Variants in RNF11 observed in about 807,000 individuals in gnomAD.
RNF11 encodes ring finger protein 11.
A neutral mutation model predicts 15.8 loss-of-function variants in RNF11; 4 were observed. The ratio of observed to expected loss-of-function variants is 0.25; its 90% CI spans 0.12 to 0.58. The LOEUF is 0.58. Ranked by LOEUF, RNF11 falls within the 20% of genes least tolerant of loss-of-function variation. The probability of loss-of-function intolerance (pLI) is 0.91; values close to 1 mark genes in which losing one functional copy is unlikely to be tolerated. For synonymous variants in RNF11, 68 were observed against 72.3 expected (o/e 0.94, Z 0.30); for missense variants, 139 against 194.4 (o/e 0.71, Z 1.70).
rs529649654 is a variant in RNF11, at chr1:51,254,566, T to C, written c.124-15390T>C. Among the ~76,000 whole-genome samples, 17 of 152,102 alleles carry C rather than the reference T, an allele frequency of 1.1e-4. No homozygotes were observed. The South Asian group carries it at 2.3e-3, about 20-fold the overall frequency. On this transcript the variant is annotated intron_variant, in intron 1 of 2. Coordinates refer to ENST00000242719, the MANE Select transcript of RNF11 (RefSeq NM_014372.5). ...GCTCCATCCCCTGGGTTCAAACGAT[T>C]CTCCTGTCTCAGCCGCCTCCCAAGT...
intron 1 of RNF11, among the ~76,000 whole-genome samples, chr1:51,241,273 A>G (rs746594919): frequency 2.0e-4 from 31 of 152,122 alleles, no homozygotes; most frequent in South Asian, 1.0e-3. Flanking sequence ...AAAAAAATTT[A>G]TTTCCTTTAG....
intron 1 of RNF11, among the ~76,000 whole-genome samples, chr1:51,242,384 A>G (rs1646833656): frequency 7.5e-6 from 1 of 133,606 alleles, no homozygotes. Context: ...CCCAGCACTT[A>G]GGTGGCAGAG....
In RNF11 at chr1:51,270,003, G is replaced by T; in HGVS notation, c.171G>T (p.Arg57=). 1 of 1,613,638 alleles carries T rather than the reference G, an allele frequency of 6.2e-7. No individual in the cohort carries two copies. Among genetic ancestry groups the T allele is most frequent in the Non-Finnish European group, 8.5e-7 (1 of 1,179,852 alleles). ...ACCACCCAACACCTAGCCAGACTCG[G>T]CTAGCAACTCAGCTGACTGAAGAGG... is the stretch of plus-strand genomic sequence containing the variant. The part of the protein sequence containing the change: ...PVYHPTPSQT[R]LATQLTEEEQ... Residue 57 remains arginine, a synonymous_variant, in exon 2 of 3, where the codon CGG becomes CGT. Coordinates refer to ENST00000242719, the MANE Select transcript of RNF11 (RefSeq NM_014372.5).
Position 51,271,331 on chromosome 1 carries a change from C to T in RNF11, c.*9C>T, listed in dbSNP as rs1646977657. 1 of 1,602,412 alleles carries T rather than the reference C, an allele frequency of 6.2e-7. No homozygotes were observed. Among genetic ancestry groups the T allele is most frequent in the Admixed American group, 1.7e-5 (1 of 59,544 alleles). ...CCTATGAGACTAATTGAGCCAGGGT[C>T]TCTTATCTGACTTCAAGTGAACCAC... On this transcript the variant is annotated 3_prime_UTR_variant, in exon 3 of 3. Coordinates refer to ENST00000242719, the MANE Select transcript of RNF11 (RefSeq NM_014372.5).
chr1:51,256,553 T>C (rs1040125214), intron 1 of RNF11, among the ~76,000 whole-genome samples: 3 of 152,234 alleles, frequency 2.0e-5, no homozygotes, highest in Non-Finnish European at 4.4e-5. Context: ...TTGGATGTAT[T>C]TTTCAACTCC....
At chr1:51,243,431 G>GTTATTA (rs748099098) in intron 1 of RNF11, among the ~76,000 whole-genome samples, 3 of 151,602 alleles carry the variant, frequency 2.0e-5, no homozygotes, top group Non-Finnish European at 4.4e-5. Flanking sequence ...CTTAATGATT[G>GTTATTA]TTATTATTAT....
chr1:51,260,262 C>T (rs1646924688), intron 1 of RNF11, among the ~76,000 whole-genome samples: 1 of 152,122 alleles, frequency 6.6e-6, no homozygotes, highest in East Asian at 1.9e-4. Context: ...TATGTGTGTT[C>T]TTTTAACCTG....
At chr1:51,267,422 AT>A (rs1216541013) in intron 1 of RNF11, among the ~76,000 whole-genome samples, 2 of 152,212 alleles carry the variant, frequency 1.3e-5, no homozygotes, top group African/African-American at 2.4e-5. Context: ...CACATCTATG[AT>A]TTGTTACAGC....
rs1646977786 is a variant in RNF11, at chr1:51,271,354, C to T, written c.*32C>T. 6.4e-7 allele frequency: 1 copy of T among 1,568,810 alleles called. No individual in the cohort carries two copies. The highest frequency in any genetic ancestry group is 8.7e-7 in the Non-Finnish European group (1 of 1,148,428). On this transcript the variant is annotated 3_prime_UTR_variant, in exon 3 of 3. Coordinates refer to ENST00000242719, the MANE Select transcript of RNF11 (RefSeq NM_014372.5). ...GTCTCTTATCTGACTTCAAGTGAAC[C>T]ACCATTTTGGTGGTTTTGATCTTTT... is the stretch of plus-strand genomic sequence containing the variant.
chr1:51,251,504 G>A, intron 1 of RNF11: 1 of 592,444 alleles, frequency 1.7e-6, no homozygotes. Context: ...AAGGATTTGT[G>A]ACAATTTGAA....
At chr1:51,238,229 T>G (rs556239332) in intron 1 of RNF11, among the ~76,000 whole-genome samples, 2 of 152,332 alleles carry the variant, frequency 1.3e-5, no homozygotes, top group African/African-American at 4.8e-5. Context: ...GTCCCAGCAT[T>G]CCCTTCCTTC....
rs200612144 is a variant in RNF11, at chr1:51,251,070, A to G, written c.123+14191A>G. The G allele has an allele frequency of 7.3e-5, 113 of 1,547,690 alleles. No individual in the cohort carries two copies. The East Asian group carries it at 2.2e-3, about 31-fold the overall frequency. On this transcript the variant is annotated intron_variant, in intron 1 of 2. Transcript: ENST00000242719. ...CTTGGAGCACTTAACACCCAGACCG[A>G]CGTGGCCATTGTAGTCCCCGATAGC... is the stretch of plus-strand genomic sequence containing the variant.
intron 1 of RNF11, among the ~76,000 whole-genome samples, chr1:51,257,758 T>A (rs1646910914): frequency 6.7e-6 from 1 of 150,298 alleles, no homozygotes; most frequent in African/African-American, 2.4e-5. Flanking sequence ...GTGCCCAGCC[T>A]TGACTTTTTA....
intron 1 of RNF11, among the ~76,000 whole-genome samples, chr1:51,253,554 C>A (rs4926886): frequency 6.6e-6 from 1 of 151,218 alleles, no homozygotes. Flanking sequence ...GTGGGGGAAA[C>A]GAAATAAAGA....
At chr1:51,264,228 C>T (rs1405968916) in intron 1 of RNF11, among the ~76,000 whole-genome samples, 1 of 126,276 alleles carries the variant, frequency 7.9e-6, no homozygotes, top group Non-Finnish European at 1.6e-5. Context: ...CCACTGCACT[C>T]TAGCCTAGGT....
At position 51,271,531 on chromosome 1, in the gene RNF11, CT is replaced by C; in HGVS notation, c.*211del. 2 of 479,460 alleles carry C rather than the reference CT, an allele frequency of 4.2e-6. No individual in the cohort carries two copies. The highest frequency in any genetic ancestry group is 7.5e-6 in the Non-Finnish European group (2 of 267,712). 29.7% of individuals were successfully genotyped at this position (479,460 alleles called of 1,614,324 possible). A position where few individuals can be genotyped will look rare whatever the true frequency, so the allele number is the denominator to read the frequency against. On this transcript the variant is annotated 3_prime_UTR_variant, in exon 3 of 3. Transcript: ENST00000242719. ...GTAGGATGGTATTTTTATGTAAAGCCTTGACCCAATGTTTAAAAATATAATT... is the reference window on the plus strand; with the variant it reads ...GTAGGATGGTATTTTTATGTAAAGCCTGACCCAATGTTTAAAAATATAATT...
chr1:51,252,615 C>T (rs1557679565), intron 1 of RNF11, among the ~76,000 whole-genome samples: 1 of 151,304 alleles, frequency 6.6e-6, no homozygotes, highest in African/African-American at 2.4e-5. Flanking sequence ...AACCCTGTCT[C>T]AAAAAAAAGA....
At position 51,236,900 on chromosome 1, in the gene RNF11, G is replaced by A. The variant is rs146277042; in HGVS notation, c.123+21G>A. On this transcript the variant is annotated intron_variant, in intron 1 of 2. Transcript: ENST00000242719. Reference sequence around the variant, plus strand: ...ATCAGGTAGGGGAGGGTGTGTGTTGGGGGGAGCGAGTAGAGGCAGCTCTGG... The same window carrying A: ...ATCAGGTAGGGGAGGGTGTGTGTTGAGGGGAGCGAGTAGAGGCAGCTCTGG... 22 of 1,598,758 alleles carry A rather than the reference G, an allele frequency of 1.4e-5. No individual in the cohort carries two copies. The East Asian group carries it at 1.8e-4, about 13-fold the overall frequency.
chr1:51,246,148 C>T (rs947736070), intron 1 of RNF11, among the ~76,000 whole-genome samples: 3 of 152,038 alleles, frequency 2.0e-5, no homozygotes, highest in Admixed American at 2.0e-4. Flanking sequence ...GCCTGTAATC[C>T]CAGCTACTTG....
Sources: gnomAD v4.1 joint callset for allele counts (sites outside exome capture counted in the v4.1 genomes callset) on GRCh38, gnomAD v4.1.1 for gene constraint, MANE v1.5 for transcripts, NCBI Gene and HGNC (gene_info 2026-07-23, HGNC 2026-07-21) for gene names.